The following PIK3C2G variants were observed in gnomAD, a reference collection of about 807,000 sequenced individuals.
The protein encoded by PIK3C2G is phosphatidylinositol-4-phosphate 3-kinase catalytic subunit type 2 gamma.
In PIK3C2G, 168 loss-of-function variants were observed where a neutral mutation model predicts 181.1. That is an observed-to-expected ratio of 0.93 (90% CI 0.82 to 1.05). The LOEUF (loss-of-function observed/expected upper bound fraction) is 1.05. PIK3C2G is among the 50% of genes least tolerant of loss of function. The pLI is 0.00. For missense variants in PIK3C2G, 1,869 were observed against 1,732.8 expected (o/e 1.08, Z -1.40); for synonymous variants, 573 against 592.2 (o/e 0.97, Z 0.47).
At chr12:18,584,264 G>A (rs138090026) in intron 29 of PIK3C2G, among the ~76,000 whole-genome samples, 4,223 of 151,890 alleles carry the variant, frequency 0.028, 62 homozygotes, top group Middle Eastern at 0.061. Context: ...CTCATGATCC[G>A]CCTGCCTTGG....
At chr12:18,663,892 C>T in the PIK3C2G span, among the ~76,000 whole-genome samples, 1 of 152,070 alleles carries the variant, frequency 6.6e-6, no homozygotes, top group Non-Finnish European at 1.5e-5. Flanking sequence ...ATTCCTAAAA[C>T]ACAATAACCA....
At chr12:18,375,073 T>C (rs1942341489) in intron 13 of PIK3C2G, among the ~76,000 whole-genome samples, 1 of 152,092 alleles carries the variant, frequency 6.6e-6, no homozygotes, top group Admixed American at 6.6e-5. Flanking sequence ...AGGAGTAGGG[T>C]ATTGCTATGA....
chr12:18,510,011 A>G (rs1213253713), intron 24 of PIK3C2G, among the ~76,000 whole-genome samples: 1 of 152,032 alleles, frequency 6.6e-6, no homozygotes, highest in Non-Finnish European at 1.5e-5. Flanking sequence ...CTCTGTCACC[A>G]AGGCTGGAGT....
intron 32 of PIK3C2G, among the ~76,000 whole-genome samples, chr12:18,644,517 A>T (rs1327199426): frequency 6.6e-6 from 1 of 152,148 alleles, no homozygotes; most frequent in Non-Finnish European, 1.5e-5. Flanking sequence ...ACAGAACAGG[A>T]ACGTTCTATG....
chr12:18,424,435 C>G (rs1945672376), intron 18 of PIK3C2G, among the ~76,000 whole-genome samples: 1 of 152,016 alleles, frequency 6.6e-6, no homozygotes, highest in Non-Finnish European at 1.5e-5. Context: ...AGTTATAAAC[C>G]ATAAAATTCA....
intron 4 of PIK3C2G, among the ~76,000 whole-genome samples, chr12:18,293,608 T>G (rs1949805958): frequency 6.6e-6 from 1 of 152,172 alleles, no homozygotes; most frequent in Non-Finnish European, 1.5e-5. Flanking sequence ...GCAGTAGATT[T>G]TTATGCAGAA....
chr12:18,647,298 G>A (rs796166885), intron 32 of PIK3C2G, among the ~76,000 whole-genome samples: 7 of 151,994 alleles, frequency 4.6e-5, no homozygotes, highest in African/African-American at 1.4e-4. Flanking sequence ...TTCCAAAAGA[G>A]AGAAGAAACA....
At chr12:18,674,865 G>C in the PIK3C2G span, among the ~76,000 whole-genome samples, 2 of 152,096 alleles carry the variant, frequency 1.3e-5, no homozygotes, top group African/African-American at 4.8e-5. Context: ...ACTTCCACCA[G>C]CCTGTGAAGA....
At chr12:18,460,092 A>G (rs1947835783) in intron 18 of PIK3C2G, among the ~76,000 whole-genome samples, 1 of 151,970 alleles carries the variant, frequency 6.6e-6, no homozygotes, top group Non-Finnish European at 1.5e-5. Flanking sequence ...ACTTTTTTCT[A>G]CATGTTATAC....
the PIK3C2G span, among the ~76,000 whole-genome samples, chr12:18,687,640 T>C: frequency 6.6e-6 from 1 of 152,156 alleles, no homozygotes; most frequent in African/African-American, 2.4e-5. Flanking sequence ...AGTAGGCTTC[T>C]ATGGCATCCT....
chr12:18,626,434 A>G (rs1049006202), intron 31 of PIK3C2G, among the ~76,000 whole-genome samples: 2 of 151,964 alleles, frequency 1.3e-5, no homozygotes, highest in Non-Finnish European at 2.9e-5. Context: ...CTGGGATAAT[A>G]TTACTTTACA....
At chr12:18,403,998 CA>C (rs1265157833) in intron 16 of PIK3C2G, among the ~76,000 whole-genome samples, 1 of 152,144 alleles carries the variant, frequency 6.6e-6, no homozygotes, top group Non-Finnish European at 1.5e-5. Flanking sequence ...AGGATTACAT[CA>C]GAAGCTTAAA....
At chr12:18,317,818 ATCTCTGT>A in intron 6 of PIK3C2G, among the ~76,000 whole-genome samples, 1 of 152,320 alleles carries the variant, frequency 6.6e-6, no homozygotes, top group South Asian at 2.1e-4. Context: ...AAATTGTTAA[ATCTCTGT>A]TTAATTTCTT....
chr12:18,595,988 T>C (rs955326824), intron 30 of PIK3C2G, among the ~76,000 whole-genome samples: 2 of 152,196 alleles, frequency 1.3e-5, no homozygotes, highest in South Asian at 2.1e-4. Context: ...AGACTAGAAA[T>C]CCACTGGGGA....
chr12:18,563,441 A>G lies in PIK3C2G; in HGVS notation c.3845A>G (p.Gln1282Arg), dbSNP rs1434911089. The G allele has an allele frequency of 6.2e-7, 1 of 1,613,740 alleles. No homozygotes were observed. The highest frequency in any genetic ancestry group is 1.7e-5 in the Admixed American group (1 of 60,024). ...AGCCTGACAGAAAAATCATTTGAGC[A>G]GTTTTCAAAACTTCACAGCCAACTT... ...ETSLTEKSFE[Q>R]FSKLHSQLQK... is the part of the protein sequence containing the mutation. Residue 1282 changes from glutamine (Q) to arginine (R), a missense_variant, in exon 28 of 33, where the codon CAG becomes CGG. Physicochemically the swap from Gln to Arg is conservative, Grantham distance 43. Transcript: ENST00000538779.
chr12:18,514,889 A>C (rs1233806484), intron 24 of PIK3C2G, among the ~76,000 whole-genome samples: 1 of 151,912 alleles, frequency 6.6e-6, no homozygotes, highest in Non-Finnish European at 1.5e-5. Flanking sequence ...TTTGTCATAT[A>C]TTGACTTTAT....
rs181829000 is a variant in PIK3C2G at position 18,444,126 on chromosome 12, G to A, written c.2504+20087G>A. 1.6e-3 allele frequency among the ~76,000 whole-genome samples: 243 copies of A among 152,234 alleles called. 1 individual carries two copies. The highest frequency in any genetic ancestry group is 5.0e-3 in the African/African-American group (207 of 41,558). ...AATGAATATTAAAGTTCCCATTCCA[G>A]TAAAATCTATACACCCATTCTCCTC... On this transcript the variant is annotated intron_variant, in intron 18 of 32. Coordinates refer to ENST00000538779, the MANE Select transcript of PIK3C2G (RefSeq NM_001288772.2).
At position 18,325,086 on chromosome 12, in the gene PIK3C2G, A is replaced by G. The variant is rs770963929; in HGVS notation, c.1260A>G (p.Leu420=). 5 of 1,552,446 alleles carry G rather than the reference A, an allele frequency of 3.2e-6. No homozygotes were observed. The African/African-American group carries it at 6.8e-5, about 21-fold the overall frequency. Residue 420 remains leucine, a synonymous_variant, in exon 8 of 33, where the codon CTA becomes CTG. Transcript: ENST00000538779. ...IRKYDFHLKY[L]LKTQENVYNI... ...AATATGACTTCCACCTGAAATACCT[A>G]TTGAAAACCCAGGTATTGACTTTTG...
At chr12:18,336,588 T>A (rs1938561337) in intron 8 of PIK3C2G, among the ~76,000 whole-genome samples, 1 of 152,158 alleles carries the variant, frequency 6.6e-6, no homozygotes, top group African/African-American at 2.4e-5. Context: ...GGTAGCCACA[T>A]CACAATATTG....
Sources: allele counts gnomAD v4.1 joint callset (sites outside exome capture counted in the v4.1 genomes callset), GRCh38; gene constraint gnomAD v4.1.1; transcripts MANE v1.5; gene names NCBI Gene and HGNC (gene_info 2026-07-23, HGNC 2026-07-21).